SLC6A5: variants seen among roughly 807,000 people sequenced by gnomAD.
SLC6A5 encodes the protein sodium- and chloride-dependent glycine transporter 2.
In SLC6A5, 58 loss-of-function variants were observed where a neutral mutation model predicts 90.5. The ratio of observed to expected loss-of-function variants is 0.64; its 90% CI spans 0.52 to 0.80. The LOEUF (loss-of-function observed/expected upper bound fraction) is 0.80. Ranked by LOEUF, SLC6A5 falls within the 30% of genes least tolerant of loss-of-function variation. The probability of loss-of-function intolerance (pLI) is 0.00; values close to 1 mark genes in which losing one functional copy is unlikely to be tolerated. For missense variants in SLC6A5, 1,015 were observed against 1,017.6 expected (o/e 1.00, Z 0.03); for synonymous variants, 427 against 401.4 (o/e 1.06, Z -0.76).
At chr11:20,625,371 C>T (rs868783887) in intron 7 of SLC6A5, among the ~76,000 whole-genome samples, 13 of 152,292 alleles carry the variant, frequency 8.5e-5, no homozygotes, top group Admixed American at 2.6e-4. Flanking sequence ...AAGTGATTTT[C>T]CTGCCTAAGC....
At chr11:20,641,032 C>T (rs753531903) in intron 13 of SLC6A5, among the ~76,000 whole-genome samples, 6 of 152,178 alleles carry the variant, frequency 3.9e-5, no homozygotes, top group African/African-American at 9.7e-5. Context: ...AGTTGTTTGA[C>T]GTTCTCAAGT....
intron 7 of SLC6A5, among the ~76,000 whole-genome samples, chr11:20,624,707 T>C (rs1351982162): frequency 2.0e-5 from 3 of 152,160 alleles, no homozygotes; most frequent in African/African-American, 7.2e-5. Flanking sequence ...CGTCACCCCA[T>C]GGATCCCGAG....
intron 3 of SLC6A5, among the ~76,000 whole-genome samples, chr11:20,605,345 G>A (rs1364817272): frequency 2.6e-5 from 4 of 152,230 alleles, no homozygotes; most frequent in Admixed American, 1.3e-4. Flanking sequence ...GGCGGAATTT[G>A]TTGCAGCAGA....
At chr11:20,636,044 C>T (rs1853199145) in intron 10 of SLC6A5, among the ~76,000 whole-genome samples, 1 of 152,150 alleles carries the variant, frequency 6.6e-6, no homozygotes, top group African/African-American at 2.4e-5. Context: ...GTAGAGTTGC[C>T]TCTGAGTCTC....
In SLC6A5 at chr11:20,654,955, C is replaced by T. The variant is rs1437184726; in HGVS notation, c.*87C>T. ...TTTCCATAGCTCTCCTCCCATTTTT[C>T]TTCATCTTTCTTCCTACATCTTGGT... On this transcript the variant is annotated 3_prime_UTR_variant, in exon 16 of 16. Transcript: ENST00000525748. 4 of 1,322,930 alleles carry T rather than the reference C, an allele frequency of 3.0e-6. No homozygotes were observed. The highest frequency in any genetic ancestry group is 4.4e-6 in the Non-Finnish European group (4 of 914,790). 81.9% of individuals were successfully genotyped at this position (1,322,930 alleles called of 1,614,324 possible).
At chr11:20,604,210 C>G (rs954284319) in intron 2 of SLC6A5, 76 bp from the exon 3 acceptor site, 3 of 1,517,122 alleles carry the variant, frequency 2.0e-6, no homozygotes, top group Non-Finnish European at 2.7e-6. Flanking sequence ...GGACCCCTAG[C>G]GGGGGGGAGG....
chr11:20,624,475 A>G (rs1852952722), intron 7 of SLC6A5, among the ~76,000 whole-genome samples: 1 of 140,840 alleles, frequency 7.1e-6, no homozygotes, highest in Non-Finnish European at 1.6e-5. Context: ...TCTTCATCTC[A>G]GCTCTAAACT....
chr11:20,616,287 C>T lies in SLC6A5; in HGVS notation c.1128-1465C>T, dbSNP rs141609997. ...GGTATTAGGGTGGGTCTTTAATTCT[C>T]CCTGAGCACTGAGCAACTGAGTCTG... On this transcript the variant is annotated intron_variant, in intron 6 of 15. Transcript: ENST00000525748. 9.1e-3 allele frequency among the ~76,000 whole-genome samples: 1,379 copies of T among 152,280 alleles called. 11 individuals carry two copies. Among genetic ancestry groups the T allele is most frequent in the Non-Finnish European group, 0.013 (859 of 68,030 alleles).
intron 10 of SLC6A5, among the ~76,000 whole-genome samples, chr11:20,633,373 G>A (rs1033236549): frequency 4.6e-5 from 7 of 152,204 alleles, no homozygotes; most frequent in African/African-American, 1.7e-4. Context: ...CAGCACTGAT[G>A]TCCCACTTCC....
rs940261471 is a variant in SLC6A5 at position 20,655,868 on chromosome 11, T to C, written c.*1000T>C. 1 of 152,228 alleles carries C rather than the reference T, an allele frequency of 6.6e-6. No individual in the cohort carries two copies. Among genetic ancestry groups the C allele is most frequent in the African/African-American group, 2.4e-5 (1 of 41,458 alleles). The allele number at this position is 152,228 out of a possible 1,614,324, so 9.4% of individuals were successfully genotyped here. ...ATAACTTCTTAATTTTTACTCTTTT[T>C]CATTCACAGTAAATGCCAACTGTGG... On this transcript the variant is annotated 3_prime_UTR_variant, in exon 16 of 16. Coordinates refer to ENST00000525748, the MANE Select transcript of SLC6A5 (RefSeq NM_004211.5).
intron 13 of SLC6A5, among the ~76,000 whole-genome samples, chr11:20,642,894 C>G (rs17298460): frequency 0.3 from 44,979 of 152,026 alleles, 7,351 homozygotes; most frequent in South Asian, 0.48. Context: ...CCAAACTGGC[C>G]CTGAAACCCA....
rs1852435416 is a variant in SLC6A5 at position 20,600,335 on chromosome 11, G to GAAGAA, written c.3+660_3+661insAAGAA. Among the ~76,000 whole-genome samples, 137 of 87,958 alleles carry GAAGAA rather than the reference G, an allele frequency of 1.6e-3. 4 individuals are homozygous for GAAGAA. Among genetic ancestry groups the GAAGAA allele is most frequent in the East Asian group, 0.015 (44 of 2,982 alleles). 57.7% of individuals were successfully genotyped at this position (87,958 alleles called of 152,430 possible). The stretch of plus-strand genomic sequence containing the variant: ...AATAGTTACGCAAAAAAGAAGAAGA[G>GAAGAA]GAAGAAGAAGAAGAAGAAGAAGAAG... On this transcript the variant is annotated intron_variant, in intron 1 of 15. Coordinates refer to ENST00000525748, the MANE Select transcript of SLC6A5 (RefSeq NM_004211.5).
At chr11:20,638,372 G>A (rs542584781) in intron 12 of SLC6A5, 87 bp from the exon 13 acceptor site, 149 of 831,626 alleles carry the variant, frequency 1.8e-4, no homozygotes, top group South Asian at 7.3e-4. Flanking sequence ...ACTCTTTTTA[G>A]GATTGAGAGA....
At chr11:20,627,870 G>A (rs993901606) in intron 8 of SLC6A5, 110 bp from the exon 9 acceptor site, 8 of 794,378 alleles carry the variant, frequency 1.0e-5, no homozygotes, top group African/African-American at 1.7e-5. Flanking sequence ...GGGTCATCTT[G>A]TCCCTGATGT....
chr11:20,634,550 G>A (rs1231621184), intron 10 of SLC6A5, among the ~76,000 whole-genome samples: 1 of 152,184 alleles, frequency 6.6e-6, no homozygotes, highest in Non-Finnish European at 1.5e-5. Context: ...CGGCTTTACG[G>A]GCCTGACTGT....
intron 7 of SLC6A5, among the ~76,000 whole-genome samples, chr11:20,623,412 GA>G (rs1406190105): frequency 6.6e-6 from 1 of 152,116 alleles, no homozygotes; most frequent in Non-Finnish European, 1.5e-5. Context: ...GGCTCCTCCT[GA>G]AAATGTATCT....
chr11:20,650,706 G>T (rs530099698), intron 14 of SLC6A5, among the ~76,000 whole-genome samples: 3 of 123,162 alleles, frequency 2.4e-5, no homozygotes, highest in Non-Finnish European at 4.8e-5. Flanking sequence ...TCGCTCTGTC[G>T]CCCAGGCTGG....
chr11:20,615,701 A>G (rs938918068), intron 6 of SLC6A5, among the ~76,000 whole-genome samples: 3 of 152,238 alleles, frequency 2.0e-5, no homozygotes, highest in Non-Finnish European at 4.4e-5. Context: ...AAATGTAGAC[A>G]GAGTTCATCA....
chr11:20,639,755 T>C (rs1853277739), intron 13 of SLC6A5, among the ~76,000 whole-genome samples: 1 of 152,210 alleles, frequency 6.6e-6, no homozygotes, highest in Admixed American at 6.5e-5. Flanking sequence ...AACCTCCTGG[T>C]ACTCCAGAAA....
Sources: allele counts gnomAD v4.1 joint callset (sites outside exome capture counted in the v4.1 genomes callset), GRCh38; gene constraint gnomAD v4.1.1; transcripts MANE v1.5; gene names NCBI Gene and HGNC (gene_info 2026-07-23, HGNC 2026-07-21).